UGCG: variants seen among roughly 807,000 people sequenced by gnomAD.
UGCG encodes UDP-glucose ceramide glucosyltransferase.
A neutral mutation model predicts 49.5 loss-of-function variants in UGCG; 10 were observed. That is an observed-to-expected ratio of 0.20 (90% confidence interval 0.12 to 0.34). The LOEUF (loss-of-function observed/expected upper bound fraction) is 0.34, where lower values mean the gene tolerates loss of function less well. UGCG is among the 10% of genes least tolerant of loss of function. UGCG has a pLI of 1.00. For synonymous variants in UGCG, 182 were observed against 158.2 expected, an observed-to-expected ratio of 1.15 and a Z score of -1.13; for missense variants, 312 against 483.7, an observed-to-expected ratio of 0.65 and a Z score of 3.33.
In UGCG at chr9:111,911,905, GATATATATATATAT is replaced by G. The variant is rs200468304; in HGVS notation, c.99-2661_99-2648del. ...TATCTCATATGTGTATATTCAACAG[GATATATATATATAT>G]ATATATATATATATATATATATATA... On this transcript the variant is annotated intron_variant, in intron 1 of 8. Coordinates refer to ENST00000374279, the MANE Select transcript of UGCG (RefSeq NM_003358.3). Among the ~76,000 whole-genome samples, 518 of 78,984 alleles carry G rather than the reference GATATATATATATAT, an allele frequency of 6.6e-3. 5 individuals carry two copies. Among genetic ancestry groups the G allele is most frequent in the Middle Eastern group, 0.023 (3 of 130 alleles). 51.8% of individuals were successfully genotyped at this position (78,984 alleles called of 152,430 possible).
chr9:111,914,763 G>T lies in UGCG; in HGVS notation c.240+17G>T. 1 of 1,582,306 alleles carries T rather than the reference G, an allele frequency of 6.3e-7. No individual in the cohort carries two copies. The highest frequency in any genetic ancestry group is 8.5e-7 in the Non-Finnish European group (1 of 1,172,046). The stretch of plus-strand genomic sequence containing the variant: ...TATCCCAAAGTAAGTTCAGTGTTAC[G>T]GTTTTTTGTTTTGTTTTGTTTTGTT... On this transcript the variant is annotated intron_variant, in intron 2 of 8. Transcript: ENST00000374279.
intron 1 of UGCG, among the ~76,000 whole-genome samples, chr9:111,908,619 C>G (rs58457793): frequency 0.1 from 15,162 of 152,190 alleles, 1,251 homozygotes; most frequent in African/African-American, 0.22. Flanking sequence ...AAGGTCAAGG[C>G]TGCAAGCCAG....
At chr9:111,898,632 C>G (rs942860793) in intron 1 of UGCG, among the ~76,000 whole-genome samples, 1 of 151,886 alleles carries the variant, frequency 6.6e-6, no homozygotes, top group Non-Finnish European at 1.5e-5. Flanking sequence ...TATGTGAGTT[C>G]TTTTTCTTTA....
intron 1 of UGCG, among the ~76,000 whole-genome samples, chr9:111,908,221 T>C (rs1348294332): frequency 6.6e-6 from 1 of 152,040 alleles, no homozygotes; most frequent in Non-Finnish European, 1.5e-5. Context: ...GTAAATAAAG[T>C]GTGGTATATT....
chr9:111,901,171 A>G (rs1837763937), intron 1 of UGCG, among the ~76,000 whole-genome samples: 2 of 152,338 alleles, frequency 1.3e-5, no homozygotes, highest in South Asian at 4.1e-4. Flanking sequence ...CAGTTTTTGA[A>G]TGGAATTTGC....
chr9:111,926,299 C>G, intron 4 of UGCG, 85 bp from the exon 5 acceptor site: 1 of 765,020 alleles, frequency 1.3e-6, no homozygotes, highest in Non-Finnish European at 2.1e-6. Flanking sequence ...AATAACAATT[C>G]ACAAAATATA....
intron 1 of UGCG, among the ~76,000 whole-genome samples, chr9:111,897,899 T>A (rs1036667523): frequency 2.0e-5 from 3 of 151,134 alleles, no homozygotes. Context: ...TTCTTTCCTT[T>A]TTTCAGTTCC....
intron 2 of UGCG, among the ~76,000 whole-genome samples, chr9:111,918,957 A>AAC (rs1838165917): frequency 6.6e-6 from 1 of 151,546 alleles, no homozygotes; most frequent in African/African-American, 2.4e-5. Flanking sequence ...AAAAACAAAA[A>AAC]AAAACACTTC....
At chr9:111,903,974 G>T (rs1837828226) in intron 1 of UGCG, among the ~76,000 whole-genome samples, 1 of 152,136 alleles carries the variant, frequency 6.6e-6, no homozygotes, top group African/African-American at 2.4e-5. Flanking sequence ...AGAAACAACT[G>T]CTGCCTGGGT....
At chr9:111,926,562 T>C in intron 5 of UGCG, 66 bp downstream of exon 5, 2 of 1,267,526 alleles carry the variant, frequency 1.6e-6, no homozygotes, top group Non-Finnish European at 1.1e-6. Context: ...AGCTTGAGAC[T>C]ATGGGAGCTG....
intron 6 of UGCG, 149 bp downstream of exon 6, chr9:111,929,827 G>A (rs1838388842): frequency 1.0e-6 from 1 of 981,158 alleles, no homozygotes; most frequent in Non-Finnish European, 1.4e-6. Flanking sequence ...TTATTATTTT[G>A]TTTGTTTTTG....
In UGCG at chr9:111,929,698, C is replaced by T. The variant is rs759285755; in HGVS notation, c.737+20C>T. The T allele has an allele frequency of 1.1e-5, 17 of 1,608,920 alleles. No homozygotes were observed. Among genetic ancestry groups the T allele is most frequent in the South Asian group, 4.5e-5 (4 of 89,598 alleles). On this transcript the variant is annotated intron_variant, in intron 6 of 8. Transcript: ENST00000374279. The stretch of plus-strand genomic sequence containing the variant: ...TGACCGGTAAGACAACTAAATGAAG[C>T]CATAGTATTTTTATTACCTAACTTC...
intron 6 of UGCG, 128 bp downstream of exon 6, chr9:111,929,806 G>T: frequency 9.5e-7 from 1 of 1,049,664 alleles, no homozygotes; most frequent in Non-Finnish European, 1.3e-6. Context: ...GTACAGAATA[G>T]GTCAATAATT....
intron 5 of UGCG, among the ~76,000 whole-genome samples, chr9:111,927,521 G>A (rs964627279): frequency 1.3e-5 from 2 of 151,396 alleles, no homozygotes; most frequent in African/African-American, 2.4e-5. Context: ...GCGCGATCTC[G>A]GCTCACTGCA....
intron 1 of UGCG, among the ~76,000 whole-genome samples, chr9:111,898,877 C>T (rs985304150): frequency 2.0e-5 from 3 of 152,106 alleles, no homozygotes; most frequent in Admixed American, 1.3e-4. Context: ...CTGTAACCTG[C>T]TTTAAAGTTC....
intron 1 of UGCG, among the ~76,000 whole-genome samples, chr9:111,902,864 G>A (rs1837804557): frequency 2.0e-5 from 3 of 151,190 alleles, no homozygotes; most frequent in Non-Finnish European, 4.4e-5. Flanking sequence ...TGCAACCTCC[G>A]CCTTCTGGGT....
chr9:111,930,082 T>A (rs1304537046), intron 6 of UGCG, among the ~76,000 whole-genome samples: 3 of 152,178 alleles, frequency 2.0e-5, no homozygotes. Flanking sequence ...CCTCCTAAAG[T>A]GCTGGGATTA....
At position 111,926,445 on chromosome 9, in the gene UGCG, C is replaced by T. The variant is rs544862399; in HGVS notation, c.507C>T (p.His169=). The T allele has an allele frequency of 1.9e-5, 31 of 1,610,634 alleles. No homozygotes were observed. Among genetic ancestry groups the T allele is most frequent in the African/African-American group, 5.3e-5 (4 of 74,908 alleles). ...NQMTEKVGLV[H]GLPYVADRQG... is the part of the protein sequence containing the mutation. ...TGACAGAAAAAGTAGGCTTGGTTCA[C>T]GGGCTGCCTTACGTAGCAGACAGAC... The change falls in exon 5 of 9, where the codon CAC becomes CAT. Residue 169 remains histidine, a synonymous_variant. Coordinates refer to ENST00000374279, the MANE Select transcript of UGCG (RefSeq NM_003358.3).
At chr9:111,904,890 C>G (rs1837851259) in intron 1 of UGCG, among the ~76,000 whole-genome samples, 1 of 151,962 alleles carries the variant, frequency 6.6e-6, no homozygotes, top group Non-Finnish European at 1.5e-5. Context: ...ACTAGAGAGC[C>G]AAGGCGGGGA....
Sources: gnomAD v4.1 joint callset for allele counts (sites outside exome capture counted in the v4.1 genomes callset) on GRCh38, gnomAD v4.1.1 for gene constraint, MANE v1.5 for transcripts, NCBI Gene and HGNC (gene_info 2026-07-23, HGNC 2026-07-21) for gene names.